CPNE5: variants seen among roughly 807,000 people sequenced by gnomAD.
CPNE5 encodes copine 5.
Under a neutral mutation model 81.1 loss-of-function variants are expected in CPNE5, and 42 were observed. The observed-to-expected ratio is 0.52, with a 90% CI of 0.40 to 0.67. The LOEUF is 0.67. Ranked by LOEUF, CPNE5 falls within the 30% of genes least tolerant of loss-of-function variation. CPNE5 has a pLI of 0.00. For synonymous variants in CPNE5, 313 were observed against 321.5 expected (o/e 0.97, Z 0.28); for missense variants, 612 against 815.5 (o/e 0.75, Z 3.04).
At chr6:36,751,696 G>A (rs1345011438) in intron 14 of CPNE5, among the ~76,000 whole-genome samples, 1 of 152,228 alleles carries the variant, frequency 6.6e-6, no homozygotes, top group Non-Finnish European at 1.5e-5. Context: ...TTGATAGGCT[G>A]AGGCAGGAGA....
chr6:36,760,612 G>T (rs1037737272), intron 12 of CPNE5, among the ~76,000 whole-genome samples: 1 of 152,220 alleles, frequency 6.6e-6, no homozygotes, highest in Non-Finnish European at 1.5e-5. Flanking sequence ...TCGTGGACTG[G>T]ATATGGAATG....
intron 13 of CPNE5, chr6:36,754,868 A>G (rs1361252465): frequency 6.6e-6 from 1 of 152,186 alleles, no homozygotes; most frequent in Non-Finnish European, 1.5e-5. Context: ...CTGGGGCTCT[A>G]CTGGTAGCTA....
chr6:36,813,288 T>G (rs1043129454), intron 3 of CPNE5, among the ~76,000 whole-genome samples: 2 of 152,176 alleles, frequency 1.3e-5, no homozygotes, highest in African/African-American at 4.8e-5. Flanking sequence ...CCCAGCATTT[T>G]GGGAGGTTTA....
intron 16 of CPNE5, 125 bp from the exon 17 acceptor site, chr6:36,745,640 G>T (rs1216280101): frequency 7.9e-6 from 9 of 1,133,862 alleles, no homozygotes; most frequent in African/African-American, 1.6e-5. Context: ...TCTGGTGTGG[G>T]GTGGCGGGGC....
At position 36,839,194 on chromosome 6, in the gene CPNE5, C is replaced by T. The variant is rs578171696; in HGVS notation, c.95+89G>A. 7.6e-6 allele frequency: 7 copies of T among 924,778 alleles called. No homozygotes were observed. The highest frequency in any genetic ancestry group is 9.6e-6 in the Non-Finnish European group (6 of 627,958). 57.3% of individuals were successfully genotyped at this position (924,778 alleles called of 1,614,324 possible). ...AGACCAGGACACTCTGGGAAGGGGG[C>T]GCGCGGAGGTTTAGGATCGAAGCGG... On this transcript the variant is annotated intron_variant, in intron 1 of 20. Transcript: ENST00000244751. The surrounding 1 kb of genome is among the most constrained non-coding windows in gnomAD (Gnocchi z 7.3).
At position 36,741,148 on chromosome 6, in the gene CPNE5, G is replaced by A. The variant is rs1049100789; in HGVS notation, c.*1120C>T. ...ATGTTTGGGGTGATGGGATGAGACA[G>A]GGTGACCCAAAAGCCAAGGCGGCCT... On this transcript the variant is annotated 3_prime_UTR_variant, in exon 21 of 21. Transcript: ENST00000244751. 6.6e-6 allele frequency: 1 copy of A among 152,274 alleles called. No individual in the cohort carries two copies. Among genetic ancestry groups the A allele is most frequent in the African/African-American group, 2.4e-5 (1 of 41,458 alleles). The allele number at this position is 152,274 out of a possible 1,614,324, so 9.4% of individuals were successfully genotyped here.
At chr6:36,813,026 G>C (rs1771236268) in intron 3 of CPNE5, among the ~76,000 whole-genome samples, 1 of 152,224 alleles carries the variant, frequency 6.6e-6, no homozygotes, top group Non-Finnish European at 1.5e-5. Flanking sequence ...GGCCAGGCAG[G>C]CAGAGGGTTA....
chr6:36,751,031 C>T (rs994182121), intron 14 of CPNE5, among the ~76,000 whole-genome samples: 1 of 152,242 alleles, frequency 6.6e-6, no homozygotes, highest in Non-Finnish European at 1.5e-5. Flanking sequence ...CATACCCTTC[C>T]TCCTGGGTCC....
intron 1 of CPNE5, among the ~76,000 whole-genome samples, chr6:36,826,341 A>T (rs236367): frequency 0.82 from 124,648 of 152,084 alleles, 51,295 homozygotes; most frequent in East Asian, 1. Context: ...TCCTGGGACA[A>T]GGGTCACCCT....
chr6:36,751,146 T>G (rs1764774356), intron 14 of CPNE5, among the ~76,000 whole-genome samples: 1 of 152,202 alleles, frequency 6.6e-6, no homozygotes, highest in Non-Finnish European at 1.5e-5. Flanking sequence ...GCTCCCTCAC[T>G]CAGGCTCTCC....
At chr6:36,830,085 G>C (rs563800721) in intron 1 of CPNE5, among the ~76,000 whole-genome samples, 1 of 152,130 alleles carries the variant, frequency 6.6e-6, no homozygotes, top group Non-Finnish European at 1.5e-5. Flanking sequence ...AGTAGACTTT[G>C]CTCCCATTCT....
rs118179333 is a variant in CPNE5, at chr6:36,836,636, G to A, written c.95+2647C>T. Among the ~76,000 whole-genome samples, 138 of 152,282 alleles carry A rather than the reference G, an allele frequency of 9.1e-4. 2 individuals carry two copies. In the East Asian group the frequency reaches 0.024, roughly 26 times the overall value. On this transcript the variant is annotated intron_variant, in intron 1 of 20. Coordinates refer to ENST00000244751, the MANE Select transcript of CPNE5 (RefSeq NM_020939.2). ...CTCCTCTCCTGGAGCCCTGAGAGCG[G>A]GTGCAGTGGGGAGGGACTTGACTTT...
In CPNE5 at chr6:36,762,123, C is replaced by T. The variant is rs1219188545; in HGVS notation, c.855+794G>A. Reference sequence around the variant, plus strand: ...AAAAAATTAGTTGGGCATGGTGGTGCGTGCTTGTGGTCCCAGCTACTCGGG... The same window carrying T: ...AAAAAATTAGTTGGGCATGGTGGTGTGTGCTTGTGGTCCCAGCTACTCGGG... On this transcript the variant is annotated intron_variant, in intron 12 of 20. Transcript: ENST00000244751. Among the ~76,000 whole-genome samples the T allele has an allele frequency of 4.6e-5, 7 of 150,714 alleles. 1 individual carries two copies. Among genetic ancestry groups the T allele is most frequent in the African/African-American group, 1.5e-4 (6 of 40,990 alleles).
chr6:36,742,295 A>AG lies in CPNE5; in HGVS notation c.1754dup (p.Ala586CysfsTer57). The AG allele has an allele frequency of 6.2e-7, 1 of 1,600,924 alleles. No homozygotes were observed. ...AGATGTGCGTGTGCAGGGGGGACGC[A>AG]GGGGGCGTGCGGGCTGGGGACTGCG... On this transcript the variant is annotated frameshift_variant, in exon 21 of 21. Coordinates refer to ENST00000244751, the MANE Select transcript of CPNE5 (RefSeq NM_020939.2). LOFTEE classifies it high-confidence loss of function.
intron 1 of CPNE5, among the ~76,000 whole-genome samples, chr6:36,829,738 G>A (rs903529978): frequency 6.9e-6 from 1 of 143,926 alleles, no homozygotes; most frequent in Non-Finnish European, 1.5e-5. Flanking sequence ...GCTTGAACCC[G>A]GGAAGCAGAG....
At chr6:36,786,986 T>A (rs992784215) in intron 8 of CPNE5, among the ~76,000 whole-genome samples, 2 of 152,192 alleles carry the variant, frequency 1.3e-5, no homozygotes, top group Admixed American at 1.3e-4. Context: ...AAAAGCCAGA[T>A]AGATTATTTC....
In CPNE5 at chr6:36,794,471, C is replaced by T. The variant is rs1031468361; in HGVS notation, c.464+119G>A. On this transcript the variant is annotated intron_variant, in intron 7 of 20. Transcript: ENST00000244751. ...GGAGGAACCCAGGACTCTCTGTCCCCGGATCAGGGCCAAATTCGCAGTGAT... is the reference window on the plus strand; with the variant it reads ...GGAGGAACCCAGGACTCTCTGTCCCTGGATCAGGGCCAAATTCGCAGTGAT... The T allele has an allele frequency of 2.3e-5, 22 of 941,998 alleles. 1 individual carries two copies. The highest frequency in any genetic ancestry group is 1.1e-4 in the Admixed American group (5 of 46,856). 58.4% of individuals were successfully genotyped at this position (941,998 alleles called of 1,614,324 possible).
rs527797208 is a variant in CPNE5 at position 36,768,225 on chromosome 6, C to CTTTTTTTCTTTTTTTTTTTTT, written c.738-2850_738-2849insAAAAAAAAAAAAAGAAAAAAA. Among the ~76,000 whole-genome samples the CTTTTTTTCTTTTTTTTTTTTT allele has an allele frequency of 9.2e-3, 557 of 60,514 alleles. 158 individuals carry two copies. The highest frequency in any genetic ancestry group is 0.029 in the Middle Eastern group (2 of 68). The allele number at this position is 60,514 out of a possible 152,430, so 39.7% of individuals were successfully genotyped here. ...GGCTTTGACTACTCTATTCACAGTT[C>CTTTTTTTCTTTTTTTTTTTTT]TTTTTTTTTTTTTTTTTTTTTTTTT... On this transcript the variant is annotated intron_variant, in intron 10 of 20. Coordinates refer to ENST00000244751, the MANE Select transcript of CPNE5 (RefSeq NM_020939.2).
At chr6:36,837,852 G>A (rs533385911) in intron 1 of CPNE5, among the ~76,000 whole-genome samples, 48 of 152,094 alleles carry the variant, frequency 3.2e-4, no homozygotes, top group Non-Finnish European at 5.4e-4. Context: ...AGGGATGTGC[G>A]TGCAGGAGAA....
Sources: allele counts gnomAD v4.1 joint callset (sites outside exome capture counted in the v4.1 genomes callset), GRCh38; gene constraint gnomAD v4.1.1; non-coding constraint Gnocchi (gnomAD v3.1); transcripts MANE v1.5; gene names NCBI Gene and HGNC (gene_info 2026-07-23, HGNC 2026-07-21).